PHACTR1: variants seen among roughly 807,000 people sequenced by gnomAD.
PHACTR1 encodes the protein phosphatase and actin regulator 1.
A neutral mutation model predicts 69.2 loss-of-function variants in PHACTR1; 16 were observed. The observed-to-expected ratio is 0.23, with a 90% confidence interval of 0.16 to 0.35. The LOEUF is 0.35. Ranked by LOEUF, PHACTR1 falls within the 10% of genes least tolerant of loss-of-function variation. The pLI is 1.00. For missense variants in PHACTR1, 510 were observed against 734.7 expected, an observed-to-expected ratio of 0.69 and a Z score of 3.54; for synonymous variants, 312 against 284.5, an observed-to-expected ratio of 1.10 and a Z score of -0.97.
At chr6:12,959,176 C>CAAAAAAAAAAAAAAAAAAAGA (rs1192612119) in intron 4 of PHACTR1, among the ~76,000 whole-genome samples, 2 of 46,234 alleles carry the variant, frequency 4.3e-5, no homozygotes, top group Non-Finnish European at 7.7e-5. Context: ...GACTTTATCT[C>CAAAAAAAAAAAAAAAAAAAGA]AAAAAAAAAA....
At chr6:13,012,430 T>G (rs1051671943) in intron 4 of PHACTR1, among the ~76,000 whole-genome samples, 3 of 152,248 alleles carry the variant, frequency 2.0e-5, no homozygotes, top group Non-Finnish European at 4.4e-5. Flanking sequence ...TAGAAACAAC[T>G]GGTAGTGACA....
chr6:13,041,378 A>ACACACG, intron 4 of PHACTR1, among the ~76,000 whole-genome samples: 1 of 151,330 alleles, frequency 6.6e-6, no homozygotes, highest in African/African-American at 2.4e-5. Context: ...ACACACACAC[A>ACACACG]CAGAAGAGAA....
chr6:13,281,006 C>T (rs1422503019), intron 12 of PHACTR1: 1 of 1,289,630 alleles, frequency 7.8e-7, no homozygotes. Flanking sequence ...GAGGCAGCAG[C>T]CAGCTGCATC....
rs1261342758 is a variant in PHACTR1, at chr6:12,845,422, ACCACCCACCCCCCCCCCC to A, written c.250+95635_250+95652del. Among the ~76,000 whole-genome samples, 2 of 12,798 alleles carry A rather than the reference ACCACCCACCCCCCCCCCC, an allele frequency of 1.6e-4. 1 individual carries two copies. Among genetic ancestry groups the A allele is most frequent in the African/African-American group, 5.7e-4 (2 of 3,514 alleles). 8.4% of individuals were successfully genotyped at this position (12,798 alleles called of 152,430 possible). On this transcript the variant is annotated intron_variant, in intron 4 of 14. Coordinates refer to ENST00000332995, the MANE Select transcript of PHACTR1 (RefSeq NM_030948.6). Reference sequence around the variant, plus strand: ...AGAGTGCCAAGATGTCATTGTGAACACCACCCACCCCCCCCCCCCCCGCCCTCCGTGCTGGGCAGTCTT... The same window carrying A: ...AGAGTGCCAAGATGTCATTGTGAACACCCGCCCTCCGTGCTGGGCAGTCTT...
intron 6 of PHACTR1, among the ~76,000 whole-genome samples, chr6:13,174,923 T>C (rs1387676023): frequency 1.3e-5 from 2 of 152,222 alleles, no homozygotes; most frequent in Non-Finnish European, 2.9e-5. Context: ...GTAAGTTCTC[T>C]GAAATATTGT....
At chr6:13,058,834 G>A (rs1807200852) in intron 5 of PHACTR1, among the ~76,000 whole-genome samples, 1 of 152,148 alleles carries the variant, frequency 6.6e-6, no homozygotes, top group South Asian at 2.1e-4. Flanking sequence ...CCAGTGGCTG[G>A]AGAATGGAGA....
chr6:13,185,081 A>G, intron 7 of PHACTR1: 1 of 1,165,450 alleles, frequency 8.6e-7, no homozygotes, highest in Non-Finnish European at 1.1e-6. Flanking sequence ...TGTTCTTTGA[A>G]CTGAGGCCTG....
chr6:13,227,214 G>A (rs1016022698), intron 8 of PHACTR1, among the ~76,000 whole-genome samples: 5 of 152,100 alleles, frequency 3.3e-5, no homozygotes, highest in Non-Finnish European at 5.9e-5. Flanking sequence ...ACAATGTCAT[G>A]CATGGGTCTC....
intron 4 of PHACTR1, among the ~76,000 whole-genome samples, chr6:13,038,224 A>T (rs1274361138): frequency 2.0e-5 from 3 of 152,190 alleles, no homozygotes; most frequent in Admixed American, 6.5e-5. Context: ...AGAGAAGTTA[A>T]AAACTTGGCT....
chr6:13,273,139 C>T, intron 11 of PHACTR1: 1 of 561,570 alleles, frequency 1.8e-6, no homozygotes, highest in Non-Finnish European at 3.0e-6. Flanking sequence ...GGGCGGCAGG[C>T]AGAACCTTCC....
At chr6:13,231,090 G>A (rs1399303590) in intron 10 of PHACTR1, among the ~76,000 whole-genome samples, 6,261 of 57,612 alleles carry the variant, frequency 0.11, 1,306 homozygotes, top group Non-Finnish European at 0.16. Context: ...GAAGGAAGAA[G>A]GAAGGAAGGG....
intron 4 of PHACTR1, among the ~76,000 whole-genome samples, chr6:12,896,133 A>T (rs138795890): frequency 6.6e-6 from 1 of 152,336 alleles, no homozygotes; most frequent in East Asian, 1.9e-4. Context: ...CGCCTAATAG[A>T]CAACATGCCA....
chr6:12,718,808 G>T lies in PHACTR1; in HGVS notation c.64G>T (p.Glu22Ter). 2 of 1,572,800 alleles carry T rather than the reference G, an allele frequency of 1.3e-6. No individual in the cohort carries two copies. Among genetic ancestry groups the T allele is most frequent in the South Asian group, 2.3e-5 (2 of 85,128 alleles). Residue 22 changes from glutamate (E) to a stop codon, truncating the protein, a stop_gained, in exon 3 of 15, where the codon GAG (glutamate) becomes TAG (stop). Coordinates refer to ENST00000332995, the MANE Select transcript of PHACTR1 (RefSeq NM_030948.6). LOFTEE classifies it high-confidence loss of function. ...VESAHRLLDVESAQRFFYSQG... is the reference protein window; with the variant it reads ...VESAHRLLDV Reference sequence around the variant, plus strand: ...GTCTGCTCACAGACTCTTGGATGTTGAGTCAGCTCAAAGATTCTTCTACAG... The same window carrying T: ...GTCTGCTCACAGACTCTTGGATGTTTAGTCAGCTCAAAGATTCTTCTACAG...
intron 4 of PHACTR1, among the ~76,000 whole-genome samples, chr6:12,812,493 C>T (rs377339835): frequency 2.0e-5 from 3 of 152,224 alleles, no homozygotes; most frequent in South Asian, 2.1e-4. Flanking sequence ...TTAAAAGAAG[C>T]GAAGTGTCTA....
At chr6:12,777,019 A>G (rs573487944) in intron 4 of PHACTR1, among the ~76,000 whole-genome samples, 1 of 152,182 alleles carries the variant, frequency 6.6e-6, no homozygotes, top group Non-Finnish European at 1.5e-5. Context: ...ACTCATGTTC[A>G]AGGTTAGAAA....
intron 4 of PHACTR1, among the ~76,000 whole-genome samples, chr6:12,917,657 A>C (rs1323857694): frequency 6.6e-6 from 1 of 152,198 alleles, no homozygotes; most frequent in Non-Finnish European, 1.5e-5. Context: ...CAGGAGACAG[A>C]GGTAGGAGGT....
At chr6:12,947,341 C>CTT (rs35334406) in intron 4 of PHACTR1, among the ~76,000 whole-genome samples, 4 of 142,394 alleles carry the variant, frequency 2.8e-5, no homozygotes, top group East Asian at 2.1e-4. Flanking sequence ...AACTATTCTG[C>CTT]TTTTTTTTTT....
intron 4 of PHACTR1, among the ~76,000 whole-genome samples, chr6:12,850,768 A>G (rs1483562475): frequency 6.6e-6 from 1 of 152,134 alleles, no homozygotes; most frequent in Admixed American, 6.5e-5. Context: ...CATCCCAGTT[A>G]CATGGCTGTC....
chr6:13,285,939 T>G (rs1465539420), intron 13 of PHACTR1, among the ~76,000 whole-genome samples: 1 of 152,242 alleles, frequency 6.6e-6, no homozygotes, highest in East Asian at 1.9e-4. Context: ...TAGCCTGTCA[T>G]CATTTGCAAC....
Sources: allele counts gnomAD v4.1 joint callset (sites outside exome capture counted in the v4.1 genomes callset), GRCh38; gene constraint gnomAD v4.1.1; transcripts MANE v1.5; gene names NCBI Gene and HGNC (gene_info 2026-07-23, HGNC 2026-07-21).